MYO7A: variants seen among roughly 807,000 people sequenced by gnomAD.
MYO7A encodes unconventional myosin-VIIa.
Under a neutral mutation model 263.8 loss-of-function variants are expected in MYO7A, and 210 were observed. The ratio of observed to expected loss-of-function variants is 0.80; its 90% confidence interval spans 0.71 to 0.89. The LOEUF (loss-of-function observed/expected upper bound fraction) is 0.89. Among genes scored for constraint, MYO7A ranks in the 40% least tolerant of loss-of-function variants. MYO7A has a pLI of 0.00. For synonymous variants in MYO7A, 1,239 were observed against 1,197.3 expected (o/e 1.03, Z -0.72); for missense variants, 2,820 against 2,968.3 (o/e 0.95, Z 1.16).
intron 26 of MYO7A, among the ~76,000 whole-genome samples, chr11:77,183,587 G>A (rs1269631566): frequency 6.6e-6 from 1 of 152,148 alleles, no homozygotes; most frequent in African/African-American, 2.4e-5. Context: ...GCCTTTTCTG[G>A]GCACTGTCCC....
intron 2 of MYO7A, among the ~76,000 whole-genome samples, chr11:77,139,948 CT>C (rs1951106113): frequency 6.6e-6 from 1 of 152,186 alleles, no homozygotes; most frequent in Non-Finnish European, 1.5e-5. Flanking sequence ...AGAATTCTCC[CT>C]GAAGCCTCTC....
intron 39 of MYO7A, among the ~76,000 whole-genome samples, chr11:77,205,119 C>T (rs2135728934): frequency 6.6e-6 from 1 of 152,328 alleles, no homozygotes; most frequent in Admixed American, 6.5e-5. Context: ...TGGAGAAAGT[C>T]TTGCTATGGA....
chr11:77,198,540 C>CGG lies in MYO7A; in HGVS notation c.4489_4490dup (p.Tyr1499CysfsTer51). The CGG allele has an allele frequency of 6.2e-7, 1 of 1,613,914 alleles. No homozygotes were observed. The highest frequency in any genetic ancestry group is 8.5e-7 in the Non-Finnish European group (1 of 1,179,896). On this transcript the variant is annotated frameshift_variant, in exon 34 of 49. Transcript: ENST00000409709. LOFTEE classifies it high-confidence loss of function. ...GACGTCATCGTGGCCGTCAACTGGA[C>CGG]GGGTGTGTACTTTGTGGATGAGCAG...
At chr11:77,205,806 C>T (rs558493669) in intron 40 of MYO7A, among the ~76,000 whole-genome samples, 189 bp downstream of exon 40, 41 of 152,258 alleles carry the variant, frequency 2.7e-4, no homozygotes, top group Admixed American at 2.4e-3. Context: ...AGTCCGGCTG[C>T]TCGGGAGTGC....
chr11:77,182,587 A>AGGGCGAGGGCG lies in MYO7A; in HGVS notation c.3273_3283dup (p.Glu1095GlyfsTer17). 6.2e-7 allele frequency: 1 copy of AGGGCGAGGGCG among 1,612,728 alleles called. No individual in the cohort carries two copies. The highest frequency in any genetic ancestry group is 8.5e-7 in the Non-Finnish European group (1 of 1,179,746). On this transcript the variant is annotated frameshift_variant, in exon 25 of 49. Coordinates refer to ENST00000409709, the MANE Select transcript of MYO7A (RefSeq NM_000260.4). LOFTEE classifies it high-confidence loss of function. ...TACAAGAGGGAGCTGCAGGCCCTGC[A>AGGGCGAGGGCG]GGGCGAGGGCGAGGTGAGGCCAAGG...
intron 15 of MYO7A, among the ~76,000 whole-genome samples, chr11:77,171,737 T>G (rs782484472): frequency 6.6e-6 from 1 of 152,180 alleles, no homozygotes; most frequent in Non-Finnish European, 1.5e-5. Flanking sequence ...CTCAACCAAA[T>G]GAAAATTGCC....
At chr11:77,202,876 A>G (rs1299127975) in intron 37 of MYO7A, among the ~76,000 whole-genome samples, 184 bp from the exon 38 acceptor site, 1 of 151,652 alleles carries the variant, frequency 6.6e-6, no homozygotes, top group Non-Finnish European at 1.5e-5. Context: ...GCTGAGAAAG[A>G]AAGGCCCAGT....
At chr11:77,172,101 C>T (rs1401531168) in intron 15 of MYO7A, among the ~76,000 whole-genome samples, 2 of 152,182 alleles carry the variant, frequency 1.3e-5, no homozygotes, top group South Asian at 2.1e-4. Context: ...ACCGGCAGCT[C>T]CCGCCCCTCC....
chr11:77,149,818 CAG>C (rs1225622825), intron 4 of MYO7A, among the ~76,000 whole-genome samples: 4 of 152,164 alleles, frequency 2.6e-5, no homozygotes, highest in Non-Finnish European at 4.4e-5. Context: ...CACCTGCACT[CAG>C]AGAGGCAGGG....
intron 38 of MYO7A, among the ~76,000 whole-genome samples, chr11:77,203,607 C>T (rs924357748): frequency 4.9e-4 from 75 of 152,258 alleles, no homozygotes; most frequent in African/African-American, 1.6e-3. Context: ...CTAGGCTGAG[C>T]CCTGAAGGCT....
intron 37 of MYO7A, among the ~76,000 whole-genome samples, chr11:77,202,754 G>A (rs1360300370): frequency 6.6e-6 from 1 of 151,512 alleles, no homozygotes; most frequent in African/African-American, 2.4e-5. Context: ...GGGGTGGGGG[G>A]CAGTGAGAAG....
chr11:77,142,189 A>C (rs1470397592), intron 2 of MYO7A, among the ~76,000 whole-genome samples: 1 of 152,250 alleles, frequency 6.6e-6, no homozygotes, highest in Non-Finnish European at 1.5e-5. Context: ...TCCACATGCC[A>C]GAAGACAATG....
At position 77,162,967 on chromosome 11, in the gene MYO7A, A is replaced by T; in HGVS notation, c.1669A>T (p.Ile557Phe). Residue 557 changes from isoleucine (I) to phenylalanine (F), a missense_variant, in exon 14 of 49, where the codon ATC (isoleucine) becomes TTC (phenylalanine). Ile to Phe is a conservative substitution (Grantham distance 21, BLOSUM62 0). Coordinates refer to ENST00000409709, the MANE Select transcript of MYO7A (RefSeq NM_000260.4). ...TQFGINHFAG[I>F]VYYETQGFLE... is the part of the protein sequence containing the mutation. ...GTTTGGCATCAACCATTTTGCAGGCATCGTCTACTATGAGACCCAAGGTAC... is the reference window on the plus strand; with the variant it reads ...GTTTGGCATCAACCATTTTGCAGGCTTCGTCTACTATGAGACCCAAGGTAC... 1 of 1,613,904 alleles carries T rather than the reference A, an allele frequency of 6.2e-7. No individual in the cohort carries two copies. Among genetic ancestry groups the T allele is most frequent in the Non-Finnish European group, 8.5e-7 (1 of 1,179,856 alleles).
chr11:77,178,393 C>T (rs1555081665), intron 19 of MYO7A, among the ~76,000 whole-genome samples: 2 of 152,120 alleles, frequency 1.3e-5, no homozygotes, highest in Non-Finnish European at 2.9e-5. Context: ...CCCACCCATC[C>T]ACCTACCCAT....
Position 77,194,539 on chromosome 11 carries a change from A to G in MYO7A, c.4323+15A>G, listed in dbSNP as rs750976511. On this transcript the variant is annotated intron_variant, in intron 32 of 48. Coordinates refer to ENST00000409709, the MANE Select transcript of MYO7A (RefSeq NM_000260.4). ...CCCACAAGAAGGTAGAAGGGCTGAGAGGAGTCCTAGAGAAGGGATGTGGAC... is the reference window on the plus strand; with the variant it reads ...CCCACAAGAAGGTAGAAGGGCTGAGGGGAGTCCTAGAGAAGGGATGTGGAC... The G allele has an allele frequency of 1.8e-5, 28 of 1,579,436 alleles. No homozygotes were observed. In the African/African-American group the frequency reaches 3.2e-4, roughly 18 times the overall value.
intron 3 of MYO7A, among the ~76,000 whole-genome samples, chr11:77,146,023 G>A (rs970725972): frequency 6.6e-6 from 1 of 152,200 alleles, no homozygotes; most frequent in Admixed American, 6.5e-5. Flanking sequence ...CCTGTGTGAG[G>A]CACCGTGGCC....
At chr11:77,202,716 C>T (rs1342069755) in intron 37 of MYO7A, among the ~76,000 whole-genome samples, 2 of 150,814 alleles carry the variant, frequency 1.3e-5, no homozygotes, top group Non-Finnish European at 3.0e-5. Context: ...GCGTGCCCAG[C>T]ACTGTGATGA....
In MYO7A at chr11:77,172,992, T is replaced by C. The variant is rs140204910; in HGVS notation, c.1935+107T>C. ...GTGAAGGATGTGAGACTTTGTCCCT[T>C]TGGGGAATGGGGGGCACCCCGGGAG... is the stretch of plus-strand genomic sequence containing the variant. On this transcript the variant is annotated intron_variant, in intron 16 of 48. Coordinates refer to ENST00000409709, the MANE Select transcript of MYO7A (RefSeq NM_000260.4). 7.2e-5 allele frequency: 103 copies of C among 1,421,024 alleles called. 1 individual carries two copies. In the East Asian group the frequency reaches 2.5e-3, roughly 35 times the overall value. 88.0% of individuals were successfully genotyped at this position (1,421,024 alleles called of 1,614,324 possible).
chr11:77,207,128 T>G, intron 41 of MYO7A, 161 bp from the exon 42 acceptor site: 1 of 564,352 alleles, frequency 1.8e-6, no homozygotes, highest in Non-Finnish European at 3.1e-6. Context: ...CAGACAGGAG[T>G]AGCCCTTTCC....
Sources: gnomAD v4.1 joint callset for allele counts (sites outside exome capture counted in the v4.1 genomes callset) on GRCh38, gnomAD v4.1.1 for gene constraint, MANE v1.5 for transcripts, NCBI Gene and HGNC (gene_info 2026-07-23, HGNC 2026-07-21) for gene names.